The following SGF29 variants were observed in gnomAD, a reference collection of about 807,000 sequenced individuals.
The protein encoded by SGF29 is SAGA complex associated factor 29.
In SGF29, 15 loss-of-function variants were observed where a neutral mutation model predicts 38.1. That is an observed-to-expected ratio of 0.39 (90% CI 0.26 to 0.61). The LOEUF (loss-of-function observed/expected upper bound fraction) is 0.61, where lower values mean the gene tolerates loss of function less well. Ranked by LOEUF, SGF29 falls within the 20% of genes least tolerant of loss-of-function variation. SGF29 has a pLI of 0.49. For synonymous variants in SGF29, 151 were observed against 160.8 expected (o/e 0.94, Z 0.46); for missense variants, 184 against 394.6 (o/e 0.47, Z 4.52).
chr16:28,558,455 C>T (rs185465015), intron 1 of SGF29, among the ~76,000 whole-genome samples: 97 of 152,072 alleles, frequency 6.4e-4, no homozygotes, highest in African/African-American at 2.1e-3. Context: ...GATAGAGCCT[C>T]GCTATGTTGA....
chr16:28,570,144 C>T (rs1408656799), intron 1 of SGF29, among the ~76,000 whole-genome samples: 1 of 152,182 alleles, frequency 6.6e-6, no homozygotes, highest in Non-Finnish European at 1.5e-5. Flanking sequence ...CAACTCCAGC[C>T]TGGGAGAGCC....
chr16:28,557,473 C>T (rs2046759428), intron 1 of SGF29, among the ~76,000 whole-genome samples: 2 of 152,198 alleles, frequency 1.3e-5, no homozygotes, highest in Admixed American at 6.6e-5. Context: ...ATTGTGACAT[C>T]CTTTATAATA....
At chr16:28,577,975 C>T (rs942600222) in intron 1 of SGF29, among the ~76,000 whole-genome samples, 10 of 152,172 alleles carry the variant, frequency 6.6e-5, no homozygotes, top group African/African-American at 2.4e-4. Flanking sequence ...GATGTCTTTG[C>T]TTACAACATC....
intron 1 of SGF29, among the ~76,000 whole-genome samples, chr16:28,579,552 G>A (rs1477618137): frequency 1.3e-5 from 2 of 150,700 alleles, no homozygotes; most frequent in East Asian, 2.0e-4. Context: ...CACCACGCCC[G>A]GCCCTAATTA....
intron 1 of SGF29, among the ~76,000 whole-genome samples, chr16:28,569,450 A>G (rs1318210001): frequency 1.3e-5 from 2 of 151,986 alleles, no homozygotes; most frequent in Non-Finnish European, 2.9e-5. Flanking sequence ...ACTTGAGCTC[A>G]GGAGTTCAAG....
chr16:28,587,534 C>T (rs989137636), intron 4 of SGF29, among the ~76,000 whole-genome samples: 4 of 152,226 alleles, frequency 2.6e-5, no homozygotes, highest in African/African-American at 4.8e-5. Flanking sequence ...CTTGTCCCTG[C>T]GTTGGTTTGG....
At chr16:28,579,285 G>C (rs1348130922) in intron 1 of SGF29, among the ~76,000 whole-genome samples, 1 of 139,514 alleles carries the variant, frequency 7.2e-6, no homozygotes, top group Admixed American at 7.4e-5. Context: ...TTGAGACGGA[G>C]TCTCACTCTG....
At chr16:28,564,773 GTATATA>G (rs369629923) in intron 1 of SGF29, among the ~76,000 whole-genome samples, 1 of 37,956 alleles carries the variant, frequency 2.6e-5, no homozygotes, top group Non-Finnish European at 5.1e-5. Flanking sequence ...GTATATATAT[GTATATA>G]TATATATACA....
intron 1 of SGF29, among the ~76,000 whole-genome samples, chr16:28,563,855 G>C (rs1317021341): frequency 6.6e-6 from 1 of 151,626 alleles, no homozygotes; most frequent in Admixed American, 6.6e-5. Context: ...TGAGTAGCTG[G>C]GACTGCAGGT....
intron 1 of SGF29, among the ~76,000 whole-genome samples, chr16:28,563,576 AG>A (rs2046802724): frequency 6.6e-6 from 1 of 152,194 alleles, no homozygotes; most frequent in Non-Finnish European, 1.5e-5. Context: ...ATATCTTTAA[AG>A]GAATACCCAA....
At chr16:28,569,117 AAGAAAT>A (rs1476688797) in intron 1 of SGF29, among the ~76,000 whole-genome samples, 1 of 151,952 alleles carries the variant, frequency 6.6e-6, no homozygotes, top group Non-Finnish European at 1.5e-5. Flanking sequence ...AAAAGAAAGA[AAGAAAT>A]AAAAATAAAA....
intron 1 of SGF29, among the ~76,000 whole-genome samples, chr16:28,573,677 T>C (rs989557314): frequency 6.6e-6 from 1 of 152,148 alleles, no homozygotes; most frequent in African/African-American, 2.4e-5. Context: ...GAAGACTGTT[T>C]TTCCCTCTTT....
chr16:28,559,796 A>C (rs1394324039), intron 1 of SGF29, among the ~76,000 whole-genome samples: 2 of 152,244 alleles, frequency 1.3e-5, no homozygotes, highest in African/African-American at 4.8e-5. Context: ...TGCTTGCCTC[A>C]GGGAAGCTAG....
intron 1 of SGF29, among the ~76,000 whole-genome samples, chr16:28,577,198 C>T (rs2046899506): frequency 1.3e-5 from 2 of 151,924 alleles, no homozygotes; most frequent in African/African-American, 2.4e-5. Flanking sequence ...GTGCAGACTA[C>T]ATAAATCTAA....
intron 2 of SGF29, among the ~76,000 whole-genome samples, chr16:28,583,492 C>G (rs1382011968): frequency 6.6e-6 from 1 of 152,176 alleles, no homozygotes; most frequent in Non-Finnish European, 1.5e-5. Context: ...TCACTGTTAA[C>G]CTCATTTTGC....
At chr16:28,569,855 C>G (rs896705071) in intron 1 of SGF29, among the ~76,000 whole-genome samples, 1 of 152,148 alleles carries the variant, frequency 6.6e-6, no homozygotes, top group Admixed American at 6.6e-5. Context: ...CATTTCAAGG[C>G]TCTGTTCCTA....
chr16:28,590,851 G>A lies in SGF29; in HGVS notation c.681G>A (p.Leu227=). 1 of 1,614,038 alleles carries A rather than the reference G, an allele frequency of 6.2e-7. No individual in the cohort carries two copies. Among genetic ancestry groups the A allele is most frequent in the Non-Finnish European group, 8.5e-7 (1 of 1,179,970 alleles). Residue 227 remains leucine, a synonymous_variant, in exon 9 of 10, where the codon TTG becomes TTA. Coordinates refer to ENST00000317058, the MANE Select transcript of SGF29 (RefSeq NM_138414.3). This position sits in a 1 kb window ranked among gnomAD's most constrained non-coding sequence, Gnocchi z 8.2. ...KANPETDPEA[L]FQKEQLVLAL... ...ACCCGGAGACGGACCCTGAGGCCTT[G>A]TTCCAGAAGGAGCAGCTCGTGCTGG... is the stretch of plus-strand genomic sequence containing the variant.
chr16:28,557,965 GTTTTTTTTTTT>G (rs753237384), intron 1 of SGF29, among the ~76,000 whole-genome samples: 39 of 65,624 alleles, frequency 5.9e-4, no homozygotes, highest in African/African-American at 2.6e-3. Context: ...TTCTTTCTCT[GTTTTTTTTTTT>G]TTTTTTTTTT....
Position 28,560,960 on chromosome 16 carries a change from CA to C in SGF29, c.-16+6879del, listed in dbSNP as rs531139717. ...TGGGTGACAGAGCAAGACTCTGTCT[CA>C]AAAAAAAAAAAAAAAGGCAATCAAC... On this transcript the variant is annotated intron_variant, in intron 1 of 9. Transcript: ENST00000317058. Among the ~76,000 whole-genome samples the C allele has an allele frequency of 5.7e-3, 506 of 89,228 alleles. 2 individuals carry two copies. Among genetic ancestry groups the C allele is most frequent in the Middle Eastern group, 0.019 (3 of 154 alleles). The allele number at this position is 89,228 out of a possible 152,430, so 58.5% of individuals were successfully genotyped here.
Sources: allele counts gnomAD v4.1 joint callset (sites outside exome capture counted in the v4.1 genomes callset), GRCh38; gene constraint gnomAD v4.1.1; non-coding constraint Gnocchi (gnomAD v3.1); transcripts MANE v1.5; gene names NCBI Gene and HGNC (gene_info 2026-07-23, HGNC 2026-07-21).